The following SNTG2 variants were observed in gnomAD, a reference collection of about 807,000 sequenced individuals.
The protein encoded by SNTG2 is gamma-2-syntrophin.
SNTG2 carries 74 observed loss-of-function variants against 70.9 expected under a neutral mutation model. The ratio of observed to expected loss-of-function variants is 1.04; its 90% CI spans 0.86 to 1.27. The LOEUF is 1.27. Ranked by LOEUF, SNTG2 falls within the 50% of genes most tolerant of loss-of-function variation. SNTG2 has a pLI of 0.00. For missense variants in SNTG2, 717 were observed against 690.7 expected, an observed-to-expected ratio of 1.04 and a Z score of -0.43; for synonymous variants, 278 against 273.8, an observed-to-expected ratio of 1.02 and a Z score of -0.15.
At chr2:1,335,402 G>A (rs1659769552) in intron 16 of SNTG2, among the ~76,000 whole-genome samples, 1 of 152,174 alleles carries the variant, frequency 6.6e-6, no homozygotes, top group Admixed American at 6.5e-5. Context: ...TCCAGGAAAG[G>A]TGAACCAGGG....
intron 2 of SNTG2, among the ~76,000 whole-genome samples, chr2:1,094,904 A>G (rs1482781119): frequency 9.7e-6 from 1 of 102,800 alleles, no homozygotes; most frequent in African/African-American, 4.4e-5. Context: ...CTCATATGGT[A>G]GAGTTACTGG....
intron 8 of SNTG2, among the ~76,000 whole-genome samples, chr2:1,198,443 A>T (rs990357462): frequency 2.6e-4 from 39 of 152,140 alleles, no homozygotes; most frequent in African/African-American, 9.1e-4. Flanking sequence ...TATATAACAA[A>T]TAAGAGACAC....
intron 1 of SNTG2, among the ~76,000 whole-genome samples, chr2:989,049 A>G (rs2147976092): frequency 6.6e-6 from 1 of 152,300 alleles, no homozygotes; most frequent in Non-Finnish European, 1.5e-5. Flanking sequence ...GTTACCATAC[A>G]TAAATTCAAC....
chr2:1,312,374 A>G (rs535458858), intron 15 of SNTG2, among the ~76,000 whole-genome samples: 126 of 152,284 alleles, frequency 8.3e-4, no homozygotes, highest in Admixed American at 1.4e-3. Flanking sequence ...CACTCTCTGG[A>G]TTAGCACTGA....
intron 9 of SNTG2, among the ~76,000 whole-genome samples, chr2:1,227,370 C>A (rs72768867): frequency 6.6e-6 from 1 of 152,222 alleles, no homozygotes; most frequent in South Asian, 2.1e-4. Context: ...GCTGCTATGC[C>A]GAGGCCACGG....
intron 1 of SNTG2, among the ~76,000 whole-genome samples, chr2:980,070 C>G (rs1159983082): frequency 6.6e-6 from 1 of 152,098 alleles, no homozygotes; most frequent in African/African-American, 2.4e-5. Flanking sequence ...CAGAGAGTAT[C>G]TATGACTTCC....
In SNTG2 at chr2:1,228,963, G is replaced by T. The variant is rs574919821; in HGVS notation, c.720-8925G>T. ...AGTGTTACAGCTCTTAAGGCGGTGC[G>T]TCTGGAGTTGTTTGTTCCTCCTGGT... is the stretch of plus-strand genomic sequence containing the variant. On this transcript the variant is annotated intron_variant, in intron 9 of 16. Transcript: ENST00000308624. Among the ~76,000 whole-genome samples the T allele has an allele frequency of 1.4e-3, 220 of 152,114 alleles. 1 individual carries two copies. The highest frequency in any genetic ancestry group is 5.2e-3 in the African/African-American group (215 of 41,492).
At chr2:1,163,586 A>G (rs1372429488) in intron 6 of SNTG2, 1 of 152,330 alleles carries the variant, frequency 6.6e-6, no homozygotes, top group Non-Finnish European at 1.5e-5. Flanking sequence ...CCTGGAGGCC[A>G]TCAGCACAGG....
intron 16 of SNTG2, among the ~76,000 whole-genome samples, chr2:1,358,527 C>T (rs1660973540): frequency 6.6e-6 from 1 of 152,016 alleles, no homozygotes; most frequent in South Asian, 2.1e-4. Context: ...TGCTGCATCC[C>T]ACAAATTTAT....
intron 4 of SNTG2, among the ~76,000 whole-genome samples, chr2:1,112,910 G>A (rs1163750328): frequency 4.0e-5 from 6 of 151,060 alleles, no homozygotes; most frequent in Non-Finnish European, 7.4e-5. Flanking sequence ...CACAGTACTT[G>A]GAGGAGGATC....
At chr2:1,267,010 A>G (rs1051362267) in intron 13 of SNTG2, among the ~76,000 whole-genome samples, 1 of 152,126 alleles carries the variant, frequency 6.6e-6, no homozygotes, top group African/African-American at 2.4e-5. Flanking sequence ...GGCTCAAGCA[A>G]TCCACCCACC....
Position 1,267,376 on chromosome 2 carries a change from A to G in SNTG2, c.1089A>G (p.Thr363=), listed in dbSNP as rs200268257. 6.2e-6 allele frequency: 10 copies of G among 1,601,046 alleles called. No homozygotes were observed. The highest frequency in any genetic ancestry group is 1.7e-5 in the Admixed American group (1 of 58,048). The stretch of plus-strand genomic sequence containing the variant: ...GCTCTGTTTTTCAGTTCTGGCTCAC[A>G]GAGGACTGCTGGTTGCAAGCAAACT... The part of the protein sequence containing the change: ...VLFKVHKFWL[T]EDCWLQANLY... The change falls in exon 14 of 17, where the codon ACA becomes ACG. Residue 363 remains threonine (T), a synonymous_variant. Transcript: ENST00000308624.
chr2:974,099 A>G (rs973338201), intron 1 of SNTG2, among the ~76,000 whole-genome samples: 2 of 150,916 alleles, frequency 1.3e-5, no homozygotes, highest in African/African-American at 5.0e-5. Flanking sequence ...TATAAAACTA[A>G]GAAAGAAGGA....
intron 14 of SNTG2, among the ~76,000 whole-genome samples, chr2:1,277,210 A>T (rs1679303146): frequency 6.6e-6 from 1 of 152,250 alleles, no homozygotes; most frequent in African/African-American, 2.4e-5. Context: ...AAGTTCTACC[A>T]TGGATAAAAT....
chr2:1,234,688 G>A (rs1398408298), intron 9 of SNTG2, among the ~76,000 whole-genome samples: 1 of 152,158 alleles, frequency 6.6e-6, no homozygotes, highest in Non-Finnish European at 1.5e-5. Flanking sequence ...GAGCCTCTGG[G>A]GCTCCACGTG....
intron 1 of SNTG2, among the ~76,000 whole-genome samples, chr2:953,224 A>G (rs542026478): frequency 1.3e-5 from 2 of 152,284 alleles, no homozygotes; most frequent in East Asian, 3.9e-4. Context: ...CTCTGACCAT[A>G]CCTGGATTTG....
rs185204519 is a variant in SNTG2 at position 1,004,605 on chromosome 2, A to G, written c.72+53537A>G. 1.4e-3 allele frequency among the ~76,000 whole-genome samples: 207 copies of G among 152,310 alleles called. 1 individual carries two copies. Among genetic ancestry groups the G allele is most frequent in the African/African-American group, 4.8e-3 (199 of 41,574 alleles). ...CAGGGAATTGCAAATTACAGCCGCAATGAGACAACCCTACACCACTGTTAG... is the reference window on the plus strand; with the variant it reads ...CAGGGAATTGCAAATTACAGCCGCAGTGAGACAACCCTACACCACTGTTAG... On this transcript the variant is annotated intron_variant, in intron 1 of 16. Transcript: ENST00000308624.
chr2:1,245,607 G>GA (rs895455050), intron 11 of SNTG2, among the ~76,000 whole-genome samples: 1 of 152,192 alleles, frequency 6.6e-6, no homozygotes, highest in African/African-American at 2.4e-5. Flanking sequence ...AAATTTGCTA[G>GA]AAAAAGATGC....
At chr2:1,106,230 T>C (rs112920275) in intron 4 of SNTG2, among the ~76,000 whole-genome samples, 8,858 of 39,696 alleles carry the variant, frequency 0.22, 2,707 homozygotes, top group East Asian at 0.39. Flanking sequence ...TAATAGTGGA[T>C]GCGTGCTGTC....
Sources: allele counts gnomAD v4.1 joint callset (sites outside exome capture counted in the v4.1 genomes callset), GRCh38; gene constraint gnomAD v4.1.1; transcripts MANE v1.5; gene names NCBI Gene and HGNC (gene_info 2026-07-23, HGNC 2026-07-21).